MAGI2: variants seen among roughly 807,000 people sequenced by gnomAD.
The protein encoded by MAGI2 is membrane associated guanylate kinase, WW and PDZ domain containing 2, also known as membrane-associated guanylate kinase, WW and PDZ domain-containing protein 2.
A neutral mutation model predicts 133.3 loss-of-function variants in MAGI2; 35 were observed. That is an observed-to-expected ratio of 0.26 (90% CI 0.20 to 0.35). MAGI2 has a LOEUF of 0.35. Ranked by LOEUF, MAGI2 falls within the 10% of genes least tolerant of loss-of-function variation. The pLI is 1.00. For missense variants in MAGI2, 1,636 were observed against 1,863.4 expected (o/e 0.88, Z 2.25); for synonymous variants, 729 against 710.6 (o/e 1.03, Z -0.41).
At chr7:78,291,646 C>T (rs1250728200) in intron 9 of MAGI2, among the ~76,000 whole-genome samples, 1 of 152,176 alleles carries the variant, frequency 6.6e-6, no homozygotes, top group East Asian at 1.9e-4. Context: ...GAATTTTAGA[C>T]CAATATCCCT....
chr7:78,923,385 G>A (rs1468127163), intron 2 of MAGI2, among the ~76,000 whole-genome samples: 3 of 152,154 alleles, frequency 2.0e-5, no homozygotes, highest in Non-Finnish European at 4.4e-5. Flanking sequence ...GTGTAAGGAA[G>A]GGATCCAGCT....
intron 1 of MAGI2, among the ~76,000 whole-genome samples, chr7:79,450,220 G>T (rs1849147586): frequency 6.6e-6 from 1 of 152,016 alleles, no homozygotes; most frequent in Non-Finnish European, 1.5e-5. Context: ...TTTCAGCTAT[G>T]CTAGCTTTTG....
chr7:79,077,182 A>G (rs947551758), intron 1 of MAGI2, among the ~76,000 whole-genome samples: 4 of 152,110 alleles, frequency 2.6e-5, no homozygotes, highest in African/African-American at 2.4e-5. Flanking sequence ...TAATTTTTGT[A>G]CTGTGGTTCC....
chr7:78,255,276 G>A (rs73700710), intron 10 of MAGI2: 1,617 of 153,746 alleles, frequency 0.011, 33 homozygotes, highest in African/African-American at 0.037. Context: ...TACTTTGCCC[G>A]GGACACTCAG....
At chr7:79,043,251 A>T (rs1364201461) in intron 1 of MAGI2, among the ~76,000 whole-genome samples, 1 of 152,056 alleles carries the variant, frequency 6.6e-6, no homozygotes, top group Non-Finnish European at 1.5e-5. Flanking sequence ...ACTGAATGAA[A>T]TTGAGACACA....
chr7:78,661,343 GTTTCCAAGTTCT>G (rs1443500381), intron 2 of MAGI2, among the ~76,000 whole-genome samples: 83 of 152,262 alleles, frequency 5.5e-4, no homozygotes, highest in South Asian at 5.4e-3. Context: ...TACACAGATA[GTTTCCAAGTTCT>G]GCATTTTTAA....
chr7:78,557,373 C>A (rs1014717948), intron 3 of MAGI2, among the ~76,000 whole-genome samples: 1 of 152,130 alleles, frequency 6.6e-6, no homozygotes, highest in African/African-American at 2.4e-5. Context: ...GACCTGGTAC[C>A]ATTTCCTGCT....
intron 4 of MAGI2, among the ~76,000 whole-genome samples, chr7:78,519,812 C>T (rs1424266662): frequency 6.6e-6 from 1 of 152,190 alleles, no homozygotes; most frequent in African/African-American, 2.4e-5. Flanking sequence ...TTTTTAACCA[C>T]AAGATGTTAA....
intron 6 of MAGI2, among the ~76,000 whole-genome samples, chr7:78,427,733 C>A (rs6977890): frequency 0.18 from 26,948 of 150,512 alleles, 3,278 homozygotes; most frequent in African/African-American, 0.35. Flanking sequence ...TTATTCTATT[C>A]TATTAAAATT....
chr7:79,136,029 GA>G lies in MAGI2; in HGVS notation c.302-128824del, dbSNP rs1241554781. On this transcript the variant is annotated intron_variant, in intron 1 of 21. Transcript: ENST00000354212. ...AGAAAGAAAGAAAGAAAGAAAGAAG[GA>G]AAGAAAGAAAGAAAGAAGGAAAGAA... 3.5e-5 allele frequency among the ~76,000 whole-genome samples: 4 copies of G among 113,752 alleles called. No homozygotes were observed. In the East Asian group the frequency reaches 9.4e-4, roughly 27 times the overall value. 74.6% of individuals were successfully genotyped at this position (113,752 alleles called of 152,430 possible).
At chr7:78,294,184 C>T (rs1170914961) in intron 9 of MAGI2, among the ~76,000 whole-genome samples, 1 of 151,772 alleles carries the variant, frequency 6.6e-6, no homozygotes, top group Non-Finnish European at 1.5e-5. Flanking sequence ...ACTGTTTTTC[C>T]CAATTAGACT....
chr7:78,094,196 G>A (rs1478077017), intron 20 of MAGI2, among the ~76,000 whole-genome samples: 1 of 152,100 alleles, frequency 6.6e-6, no homozygotes, highest in Non-Finnish European at 1.5e-5. Context: ...AACACTGTAT[G>A]GGTGACTGTT....
At chr7:78,581,753 A>G (rs952113102) in intron 3 of MAGI2, among the ~76,000 whole-genome samples, 1 of 152,228 alleles carries the variant, frequency 6.6e-6, no homozygotes, top group East Asian at 1.9e-4. Context: ...TAAGGAAATG[A>G]AGACCCAAAG....
chr7:78,540,523 G>A (rs1798323841), intron 3 of MAGI2, among the ~76,000 whole-genome samples: 1 of 152,152 alleles, frequency 6.6e-6, no homozygotes, highest in South Asian at 2.1e-4. Context: ...GAGAGAGAAA[G>A]CAGGGGTTTC....
At chr7:79,000,809 T>C (rs745377312) in intron 2 of MAGI2, among the ~76,000 whole-genome samples, 2 of 152,254 alleles carry the variant, frequency 1.3e-5, no homozygotes, top group Non-Finnish European at 2.9e-5. Flanking sequence ...GGCTTAAATA[T>C]GTAGAAACAC....
chr7:78,553,598 A>G (rs1351387340), intron 3 of MAGI2, among the ~76,000 whole-genome samples: 1 of 152,230 alleles, frequency 6.6e-6, no homozygotes. Flanking sequence ...TTAGATGATT[A>G]TCTCATTAGA....
intron 2 of MAGI2, among the ~76,000 whole-genome samples, chr7:78,729,652 G>A (rs140244652): frequency 3.3e-4 from 50 of 152,236 alleles, no homozygotes; most frequent in African/African-American, 1.1e-3. Flanking sequence ...TGTCTAGCAG[G>A]GGATTTATAT....
At chr7:79,145,311 A>G (rs1822515675) in intron 1 of MAGI2, among the ~76,000 whole-genome samples, 1 of 152,146 alleles carries the variant, frequency 6.6e-6, no homozygotes, top group Non-Finnish European at 1.5e-5. Context: ...CACATATTTC[A>G]TAGCCTATTC....
chr7:78,072,621 G>A (rs1291426109), intron 21 of MAGI2: 2 of 290,364 alleles, frequency 6.9e-6, no homozygotes, highest in East Asian at 5.8e-5. Context: ...AAGAAAGGAT[G>A]TACTCAGCAG....
Sources: gnomAD v4.1 joint callset for allele counts (sites outside exome capture counted in the v4.1 genomes callset) on GRCh38, gnomAD v4.1.1 for gene constraint, MANE v1.5 for transcripts, NCBI Gene and HGNC (gene_info 2026-07-23, HGNC 2026-07-21) for gene names.